The following PLEKHM2 variants were observed in gnomAD, a reference collection of about 807,000 sequenced individuals.
PLEKHM2 encodes the protein pleckstrin homology domain-containing family M member 2.
PLEKHM2 carries 77 observed loss-of-function variants against 116.3 expected under a neutral mutation model. The observed-to-expected ratio is 0.66, with a 90% CI of 0.55 to 0.80. The LOEUF (loss-of-function observed/expected upper bound fraction) is 0.80. Ranked by LOEUF, PLEKHM2 falls within the 30% of genes least tolerant of loss-of-function variation. The pLI is 0.00. For synonymous variants in PLEKHM2, 562 were observed against 571.0 expected, an observed-to-expected ratio of 0.98 and a Z score of 0.22; for missense variants, 1,183 against 1,354.9, an observed-to-expected ratio of 0.87 and a Z score of 1.99.
At chr1:15,691,636 GA>G (rs1377088321) in intron 1 of PLEKHM2, among the ~76,000 whole-genome samples, 2 of 152,190 alleles carry the variant, frequency 1.3e-5, no homozygotes, top group African/African-American at 2.4e-5. Flanking sequence ...CCTTGAGCAG[GA>G]GTCTCCCAGT....
intron 1 of PLEKHM2, among the ~76,000 whole-genome samples, chr1:15,690,076 T>TG (rs1640860166): frequency 6.7e-6 from 1 of 150,004 alleles, no homozygotes; most frequent in Non-Finnish European, 1.5e-5. Flanking sequence ...TTTTTTTTGT[T>TG]TTGTTTTTTT....
chr1:15,704,618 A>G (rs1052615459), intron 1 of PLEKHM2, among the ~76,000 whole-genome samples: 1 of 152,164 alleles, frequency 6.6e-6, no homozygotes, highest in Non-Finnish European at 1.5e-5. Context: ...CTGCCTCATC[A>G]CTGTCATGTT....
chr1:15,707,914 C>CG (rs1435338384), intron 1 of PLEKHM2, among the ~76,000 whole-genome samples: 1 of 152,162 alleles, frequency 6.6e-6, no homozygotes, highest in Non-Finnish European at 1.5e-5. Flanking sequence ...GATGGAGTCT[C>CG]GCTCTTGTCG....
Position 15,732,457 on chromosome 1 carries a change from C to T in PLEKHM2, c.2733C>T (p.Arg911=). 6.2e-7 allele frequency: 1 copy of T among 1,601,102 alleles called. No homozygotes were observed. Among genetic ancestry groups the T allele is most frequent in the Admixed American group, 1.7e-5 (1 of 57,946 alleles). ...CHEDCQTSFF[R]SLGTAKLGDI... is the part of the protein sequence containing the mutation. ...AGGATTGCCAGACCAGCTTCTTCCG[C>T]TCTTTGGGCACAGCCAAGCTGGGCG... The change falls in exon 18 of 20, where the codon CGC becomes CGT. Residue 911 remains arginine, a synonymous_variant. Transcript: ENST00000375799.
Position 15,727,658 on chromosome 1 carries a change from C to G in PLEKHM2, c.1586C>G (p.Ala529Gly), listed in dbSNP as rs1456394744. The change falls in exon 9 of 20, where the codon GCC becomes GGC. Residue 529 changes from alanine (A) to glycine (G), a missense_variant. By Grantham distance (60) the Ala-to-Gly change is moderately conservative (BLOSUM62 0). Coordinates refer to ENST00000375799, the MANE Select transcript of PLEKHM2 (RefSeq NM_015164.4). The surrounding 1 kb of genome is among the most constrained non-coding windows in gnomAD (Gnocchi z 7.5). ...ACGAGGGAGGCTCAGGAGCTGGAGG[C>G]CCAGCTGTCCCTGGTCAGGGAGGGG... is the stretch of plus-strand genomic sequence containing the variant. ...DTTREAQELE[A>G]QLSLVREGPV... is the part of the protein sequence containing the mutation. The G allele has an allele frequency of 6.3e-7, 1 of 1,594,016 alleles. No homozygotes were observed. The highest frequency in any genetic ancestry group is 1.1e-5 in the South Asian group (1 of 87,942).
At chr1:15,706,359 G>C (rs921869271) in intron 1 of PLEKHM2, among the ~76,000 whole-genome samples, 3 of 152,010 alleles carry the variant, frequency 2.0e-5, no homozygotes, top group African/African-American at 4.8e-5. Context: ...TGCCACAATA[G>C]CCATTTCCTC....
At chr1:15,690,211 AC>A (rs1640863070) in intron 1 of PLEKHM2, among the ~76,000 whole-genome samples, 1 of 151,188 alleles carries the variant, frequency 6.6e-6, no homozygotes. Context: ...GATTACGGGC[AC>A]AGACCACCAC....
intron 17 of PLEKHM2, 81 bp downstream of exon 17, chr1:15,732,129 T>C (rs2068153367): frequency 2.9e-6 from 4 of 1,374,242 alleles, no homozygotes; most frequent in Non-Finnish European, 4.0e-6. Flanking sequence ...AAACCCATAG[T>C]CACAGAGCAA....
intron 16 of PLEKHM2, 61 bp from the exon 17 acceptor site, chr1:15,731,828 G>A: frequency 1.4e-6 from 2 of 1,461,202 alleles, no homozygotes; most frequent in Non-Finnish European, 1.9e-6. Context: ...AACCCTGGGG[G>A]CTGTCGCCCC....
At chr1:15,708,269 T>G (rs994622029) in intron 1 of PLEKHM2, among the ~76,000 whole-genome samples, 2 of 151,758 alleles carry the variant, frequency 1.3e-5, no homozygotes, top group African/African-American at 4.8e-5. Flanking sequence ...CAGGCTGGAG[T>G]GCAGTGGCAC....
chr1:15,695,830 C>A (rs898038287), intron 1 of PLEKHM2, among the ~76,000 whole-genome samples: 2 of 151,776 alleles, frequency 1.3e-5, no homozygotes, highest in Non-Finnish European at 2.9e-5. Context: ...GAGACAGGGT[C>A]TTGCTCTGTC....
At position 15,733,894 on chromosome 1, in the gene PLEKHM2, G is replaced by A. The variant is rs933542967; in HGVS notation, c.3020G>A (p.Ser1007Asn). The A allele has an allele frequency of 6.2e-7, 1 of 1,612,896 alleles. No homozygotes were observed. The highest frequency in any genetic ancestry group is 2.2e-5 in the East Asian group (1 of 44,878). The change falls in exon 20 of 20, where the codon AGT becomes AAT. Residue 1007 changes from serine to asparagine, a missense_variant. By Grantham distance (46) the Ser-to-Asn change is conservative. Around this residue, in one of 3 missense-constraint regions of PLEKHM2, gnomAD observed 594 missense variants for 720.1 expected, o/e 0.82. Coordinates refer to ENST00000375799, the MANE Select transcript of PLEKHM2 (RefSeq NM_015164.4). The part of the protein sequence containing the change: ...LIHSAWQRSD[S>N]LCRGRASRDP... ...CACAGCGCCTGGCAGCGGAGCGACA[G>A]TCTCTGCCGCGGCCGAGCCTCCCGA...
At chr1:15,696,643 G>T (rs936983187) in intron 1 of PLEKHM2, among the ~76,000 whole-genome samples, 2 of 152,204 alleles carry the variant, frequency 1.3e-5, no homozygotes, top group African/African-American at 4.8e-5. Flanking sequence ...GAGCCACCGC[G>T]CCTGGGCACA....
intron 2 of PLEKHM2, 52 bp downstream of exon 2, chr1:15,716,395 T>C: frequency 4.8e-6 from 5 of 1,043,468 alleles, no homozygotes; most frequent in Admixed American, 2.2e-5. Context: ...AGGCCATGAG[T>C]AGCCTCCACA....
intron 1 of PLEKHM2, among the ~76,000 whole-genome samples, chr1:15,706,834 C>T (rs1184071655): frequency 6.6e-6 from 1 of 152,198 alleles, no homozygotes; most frequent in Admixed American, 6.5e-5. Flanking sequence ...TTTATCTCTG[C>T]CACCGTGTCT....
At chr1:15,697,894 A>G (rs1490034453) in intron 1 of PLEKHM2, among the ~76,000 whole-genome samples, 2 of 152,090 alleles carry the variant, frequency 1.3e-5, no homozygotes, top group African/African-American at 2.4e-5. Context: ...CCAGTAAAGC[A>G]GAGAGTCTAC....
Position 15,732,062 on chromosome 1 carries a change from GCCCCTA to G in PLEKHM2, c.2625+17_2625+22del. 4 of 1,605,732 alleles carry G rather than the reference GCCCCTA, an allele frequency of 2.5e-6. No individual in the cohort carries two copies. The highest frequency in any genetic ancestry group is 3.4e-6 in the Non-Finnish European group (4 of 1,175,210). ...GTGTCCAAAGGGGTGAGCTTCGCCT[GCCCCTA>G]CCGCTCACCTGGCTTGCCTGACCCA... On this transcript the variant is annotated intron_variant, in intron 17 of 19. Coordinates refer to ENST00000375799, the MANE Select transcript of PLEKHM2 (RefSeq NM_015164.4).
chr1:15,683,267 TG>T (rs1287299073), upstream of PLEKHM2: 29 of 150,438 alleles, frequency 1.9e-4, no homozygotes, highest in Non-Finnish European at 2.9e-4. Flanking sequence ...GTGGGGGTGC[TG>T]GGTCCTCCAG....
At chr1:15,725,815 G>A in intron 8 of PLEKHM2, 1 of 502,210 alleles carries the variant, frequency 2.0e-6, no homozygotes, top group South Asian at 2.5e-5. Flanking sequence ...ACAGTCCGAG[G>A]TCAGGGTGCC....
Sources: allele counts gnomAD v4.1 joint callset (sites outside exome capture counted in the v4.1 genomes callset), GRCh38; gene constraint gnomAD v4.1.1; regional missense constraint gnomAD v4.1.1; non-coding constraint Gnocchi (gnomAD v3.1); transcripts MANE v1.5; gene names NCBI Gene and HGNC (gene_info 2026-07-23, HGNC 2026-07-21).